The following CCSER1 variants were observed in gnomAD, a reference collection of about 807,000 sequenced individuals.
CCSER1 encodes serine-rich coiled-coil domain-containing protein 1.
CCSER1 carries 41 observed loss-of-function variants against 82.0 expected under a neutral mutation model. The observed-to-expected ratio is 0.50, with a 90% CI of 0.39 to 0.65. The LOEUF is 0.65. Ranked by LOEUF, CCSER1 falls within the 30% of genes least tolerant of loss-of-function variation. CCSER1 has a pLI of 0.00. For missense variants in CCSER1, 1,119 were observed against 1,064.2 expected (o/e 1.05, Z -0.72); for synonymous variants, 414 against 383.9 (o/e 1.08, Z -0.92).
intron 10 of CCSER1, among the ~76,000 whole-genome samples, chr4:91,417,250 T>G (rs1209500398): frequency 1.3e-5 from 2 of 151,956 alleles, no homozygotes; most frequent in Non-Finnish European, 2.9e-5. Flanking sequence ...GGTGGAAGTG[T>G]AAATTAGTTC....
intron 7 of CCSER1, among the ~76,000 whole-genome samples, chr4:90,793,250 G>A (rs1315529482): frequency 6.6e-6 from 1 of 151,864 alleles, no homozygotes; most frequent in African/African-American, 2.4e-5. Context: ...TTGTGTCATG[G>A]GCATTTATGG....
intron 4 of CCSER1, among the ~76,000 whole-genome samples, chr4:90,446,695 A>G (rs554071732): frequency 6.6e-6 from 1 of 152,280 alleles, no homozygotes; most frequent in Non-Finnish European, 1.5e-5. Context: ...ATGGGTTGGA[A>G]CTATGTGGGT....
intron 1 of CCSER1, among the ~76,000 whole-genome samples, chr4:90,293,562 G>A (rs1158234559): frequency 1.3e-5 from 2 of 149,752 alleles, no homozygotes; most frequent in African/African-American, 4.9e-5. Flanking sequence ...GAAACTGCAG[G>A]TTATTTATTA....
At chr4:90,273,983 C>T (rs1264617043) in intron 1 of CCSER1, among the ~76,000 whole-genome samples, 1 of 152,054 alleles carries the variant, frequency 6.6e-6, no homozygotes, top group African/African-American at 2.4e-5. Context: ...AATTTAAAAA[C>T]TTTTTAAAAA....
chr4:90,592,053 C>T (rs1450911209), intron 5 of CCSER1, among the ~76,000 whole-genome samples: 4 of 151,872 alleles, frequency 2.6e-5, no homozygotes, highest in African/African-American at 4.8e-5. Context: ...AGCAAGGGGA[C>T]GGAGAGTGTT....
chr4:91,187,729 T>C (rs1734679219), intron 10 of CCSER1, among the ~76,000 whole-genome samples: 1 of 152,140 alleles, frequency 6.6e-6, no homozygotes, highest in South Asian at 2.1e-4. Flanking sequence ...ATTTTTGTGT[T>C]TTTAGTAGAG....
At chr4:91,088,550 T>G (rs1161055473) in intron 10 of CCSER1, among the ~76,000 whole-genome samples, 1 of 152,156 alleles carries the variant, frequency 6.6e-6, no homozygotes, top group Non-Finnish European at 1.5e-5. Flanking sequence ...TAGAGATAGG[T>G]AACACCTAAA....
intron 10 of CCSER1, among the ~76,000 whole-genome samples, chr4:91,479,551 A>G (rs1405488505): frequency 6.6e-6 from 1 of 151,822 alleles, no homozygotes; most frequent in Non-Finnish European, 1.5e-5. Context: ...ACCACCAAAG[A>G]TAAATAATAC....
intron 10 of CCSER1, among the ~76,000 whole-genome samples, chr4:91,090,766 G>A (rs906852068): frequency 1.3e-4 from 20 of 152,144 alleles, no homozygotes; most frequent in African/African-American, 4.3e-4. Flanking sequence ...GGAATTTCAG[G>A]TACTGGCACA....
chr4:90,219,944 TTC>T (rs1741813401), intron 1 of CCSER1, among the ~76,000 whole-genome samples: 1 of 152,164 alleles, frequency 6.6e-6, no homozygotes, highest in African/African-American at 2.4e-5. Context: ...TTGCTAATAT[TTC>T]TCTGTCTTAA....
chr4:91,101,613 G>A (rs942209054), intron 10 of CCSER1, among the ~76,000 whole-genome samples: 1 of 136,642 alleles, frequency 7.3e-6, no homozygotes, highest in African/African-American at 2.8e-5. Flanking sequence ...CCAGCCTGGG[G>A]ACAGAGCAAG....
rs551937708 is a variant in CCSER1, at chr4:90,383,660, A to G, written c.1510-16376A>G. 2.0e-4 allele frequency among the ~76,000 whole-genome samples: 30 copies of G among 152,078 alleles called. 2 individuals carry two copies. In the South Asian group the frequency reaches 6.2e-3, roughly 32 times the overall value. On this transcript the variant is annotated intron_variant, in intron 3 of 10. Transcript: ENST00000509176. Reference sequence around the variant, plus strand: ...TTTATTCTTCAGGCCAAAAACACATATATTTAAGTCTTGGTTCAGCCACTT... The same window carrying G: ...TTTATTCTTCAGGCCAAAAACACATGTATTTAAGTCTTGGTTCAGCCACTT...
Position 91,139,026 on chromosome 4 carries a change from C to G in CCSER1, c.2217+53032C>G, listed in dbSNP as rs370120595. On this transcript the variant is annotated intron_variant, in intron 10 of 10. Coordinates refer to ENST00000509176, the MANE Select transcript of CCSER1 (RefSeq NM_001145065.2). ...CATAGGTAGCTTTTCAAACCTTGCC[C>G]CTCTCCCTTCCTCTTTGCTCAAGCA... 3.9e-5 allele frequency among the ~76,000 whole-genome samples: 6 copies of G among 152,164 alleles called. No homozygotes were observed. In the East Asian group the frequency reaches 9.7e-4, roughly 25 times the overall value.
At chr4:91,198,921 C>G (rs897073742) in intron 10 of CCSER1, among the ~76,000 whole-genome samples, 18 of 152,132 alleles carry the variant, frequency 1.2e-4, no homozygotes, top group Non-Finnish European at 2.1e-4. Flanking sequence ...TCAAAAGTTT[C>G]TCTTTCCCTT....
intron 10 of CCSER1, among the ~76,000 whole-genome samples, chr4:91,479,442 C>T (rs934817002): frequency 1.6e-4 from 24 of 151,394 alleles, no homozygotes; most frequent in Non-Finnish European, 3.2e-4. Flanking sequence ...GGATAGAAAA[C>T]GTCACTAGAA....
intron 3 of CCSER1, among the ~76,000 whole-genome samples, chr4:90,348,585 A>C (rs979343833): frequency 3.3e-5 from 5 of 152,104 alleles, no homozygotes; most frequent in African/African-American, 1.2e-4. Flanking sequence ...TGGACTTTTC[A>C]TCTCAATAAA....
chr4:90,193,028 C>A (rs922519606), intron 1 of CCSER1, among the ~76,000 whole-genome samples: 1 of 152,098 alleles, frequency 6.6e-6, no homozygotes, highest in African/African-American at 2.4e-5. Flanking sequence ...GCCTGTGACA[C>A]CCCATTGAGA....
At chr4:91,359,351 G>A (rs1036822570) in intron 10 of CCSER1, among the ~76,000 whole-genome samples, 7 of 151,748 alleles carry the variant, frequency 4.6e-5, no homozygotes, top group Admixed American at 3.9e-4. Context: ...CCTGTCTTTG[G>A]TTTTACTTCC....
rs114514075 is a variant in CCSER1, at chr4:91,548,211, A to G, written c.2218-50361A>G. Among the ~76,000 whole-genome samples the G allele has an allele frequency of 2.7e-3, 406 of 152,328 alleles. 1 individual carries two copies. The highest frequency in any genetic ancestry group is 9.3e-3 in the African/African-American group (387 of 41,576). ...TGCAATTTACGTGTAAAACTAAGCA[A>G]AATCCATTTTCAAATAACACCATAC... On this transcript the variant is annotated intron_variant, in intron 10 of 10. Coordinates refer to ENST00000509176, the MANE Select transcript of CCSER1 (RefSeq NM_001145065.2).
Sources: allele counts gnomAD v4.1 joint callset (sites outside exome capture counted in the v4.1 genomes callset), GRCh38; gene constraint gnomAD v4.1.1; transcripts MANE v1.5; gene names NCBI Gene and HGNC (gene_info 2026-07-23, HGNC 2026-07-21).